IRAK1BP1: variants seen among roughly 807,000 people sequenced by gnomAD.
The protein encoded by IRAK1BP1 is interleukin 1 receptor associated kinase 1 binding protein 1, also known as interleukin-1 receptor-associated kinase 1-binding protein 1.
A neutral mutation model predicts 28.0 loss-of-function variants in IRAK1BP1; 24 were observed. The observed-to-expected ratio is 0.86, with a 90% confidence interval of 0.62 to 1.20. IRAK1BP1 has a LOEUF of 1.20. Among genes scored for constraint, IRAK1BP1 ranks in the 50% most tolerant of loss-of-function variants. IRAK1BP1 has a pLI of 0.00. For missense variants in IRAK1BP1, 336 were observed against 316.7 expected (o/e 1.06, Z -0.46); for synonymous variants, 131 against 116.3 (o/e 1.13, Z -0.81).
At chr6:78,934,207 C>T (rs754002776) in intron 4 of IRAK1BP1, among the ~76,000 whole-genome samples, 1 of 152,094 alleles carries the variant, frequency 6.6e-6, no homozygotes, top group Non-Finnish European at 1.5e-5. Flanking sequence ...GTTTGTGGCA[C>T]CTCAAAACAA....
chr6:78,906,070 TATGAA>T (rs1772253955), downstream of IRAK1BP1, among the ~76,000 whole-genome samples: 1 of 152,188 alleles, frequency 6.6e-6, no homozygotes, highest in Admixed American at 6.5e-5. Flanking sequence ...AAACATTACT[TATGAA>T]GAAGAGATGA....
the IRAK1BP1 span, among the ~76,000 whole-genome samples, chr6:78,973,696 A>C: frequency 3.3e-5 from 5 of 151,782 alleles, no homozygotes; most frequent in South Asian, 1.0e-3. Context: ...TACCAAGCAA[A>C]TGGAAAACAA....
intron 4 of IRAK1BP1, chr6:78,935,682 A>T: frequency 1.0e-6 from 1 of 984,742 alleles, no homozygotes; most frequent in South Asian, 4.7e-5. Flanking sequence ...ATATCTTTTA[A>T]CTGACAGTTT....
intron 2 of IRAK1BP1, among the ~76,000 whole-genome samples, chr6:78,889,116 C>CAA (rs201870779): frequency 0.023 from 1,811 of 79,518 alleles, 29 homozygotes; most frequent in Middle Eastern, 0.038. Flanking sequence ...GACTCTGTCT[C>CAA]AAAAAAAAAA....
the IRAK1BP1 span, among the ~76,000 whole-genome samples, chr6:78,967,632 CTT>C: frequency 6.6e-6 from 1 of 152,068 alleles, no homozygotes; most frequent in Non-Finnish European, 1.5e-5. Flanking sequence ...TAGATACTAA[CTT>C]TAGAGAAATA....
At chr6:78,963,004 T>C in the IRAK1BP1 span, 1 of 1,184,784 alleles carries the variant, frequency 8.4e-7, no homozygotes, top group Non-Finnish European at 1.2e-6. Flanking sequence ...CTTAGGATAT[T>C]GTGAAAAAAA....
At chr6:78,895,185 T>G (rs749960437) in intron 2 of IRAK1BP1, among the ~76,000 whole-genome samples, 1 of 151,058 alleles carries the variant, frequency 6.6e-6, no homozygotes, top group African/African-American at 2.4e-5. Flanking sequence ...AAACCAGTAA[T>G]AGAAGGGCCT....
At chr6:78,881,297 A>C (rs1477410775) in intron 1 of IRAK1BP1, among the ~76,000 whole-genome samples, 4 of 152,210 alleles carry the variant, frequency 2.6e-5, no homozygotes, top group Non-Finnish European at 4.4e-5. Context: ...GATTCTATTC[A>C]TATGATCTTC....
chr6:78,908,475 A>G (rs1772317860), intron 4 of IRAK1BP1, among the ~76,000 whole-genome samples: 1 of 152,074 alleles, frequency 6.6e-6, no homozygotes, highest in Admixed American at 6.6e-5. Flanking sequence ...CAGCCTCTTG[A>G]GTAGCTAAGA....
At chr6:78,945,385 C>T (rs1279344880) in intron 4 of IRAK1BP1, 1 of 1,613,600 alleles carries the variant, frequency 6.2e-7, no homozygotes, top group South Asian at 1.1e-5. Context: ...CTGGCTTTTC[C>T]TTTTCCATGT....
At chr6:78,969,696 T>G in the IRAK1BP1 span, 1 of 485,030 alleles carries the variant, frequency 2.1e-6, no homozygotes, top group East Asian at 3.3e-5. Flanking sequence ...ACATAGTATC[T>G]TACTTTGCTA....
chr6:78,921,550 CCTGT>C (rs1437936316), intron 4 of IRAK1BP1, among the ~76,000 whole-genome samples: 1 of 152,212 alleles, frequency 6.6e-6, no homozygotes, highest in Non-Finnish European at 1.5e-5. Context: ...CTTAAATGTC[CCTGT>C]CTGACACCTT....
At chr6:78,958,678 C>A in the IRAK1BP1 span, 1 of 884,338 alleles carries the variant, frequency 1.1e-6, no homozygotes, top group Non-Finnish European at 1.8e-6. Flanking sequence ...CCAAGACATT[C>A]CAACTTTTCA....
intron 1 of IRAK1BP1, among the ~76,000 whole-genome samples, chr6:78,881,230 A>T (rs1771216459): frequency 6.6e-6 from 1 of 152,170 alleles, no homozygotes; most frequent in Non-Finnish European, 1.5e-5. Flanking sequence ...AATGTGAGTG[A>T]ATTTAGCTGC....
At chr6:78,957,588 A>T in the IRAK1BP1 span, 4 of 151,850 alleles carry the variant, frequency 2.6e-5, no homozygotes, top group South Asian at 4.1e-4. Context: ...TTAAAAAAAA[A>T]AAAAAAACTG....
chr6:78,971,890 C>CT, the IRAK1BP1 span, among the ~76,000 whole-genome samples: 1 of 152,206 alleles, frequency 6.6e-6, no homozygotes, highest in Non-Finnish European at 1.5e-5. Context: ...CCCACGGAGT[C>CT]TCGCTGATTG....
At chr6:78,923,793 C>T (rs1772809913) in intron 4 of IRAK1BP1, among the ~76,000 whole-genome samples, 1 of 152,150 alleles carries the variant, frequency 6.6e-6, no homozygotes, top group Non-Finnish European at 1.5e-5. Context: ...TACATGGAAA[C>T]TGAACAATCT....
chr6:78,907,140 A>G (rs2127659632), downstream of IRAK1BP1, among the ~76,000 whole-genome samples: 1 of 152,328 alleles, frequency 6.6e-6, no homozygotes, highest in African/African-American at 2.4e-5. Context: ...ATATGAGGAA[A>G]AAAGATGAAA....
chr6:78,950,006 A>G (rs1189540010), downstream of IRAK1BP1, among the ~76,000 whole-genome samples: 1 of 152,004 alleles, frequency 6.6e-6, no homozygotes, highest in African/African-American at 2.4e-5. Context: ...CGAGTATAAT[A>G]AACTTTTTCC....
Sources: gnomAD v4.1 joint callset for allele counts (sites outside exome capture counted in the v4.1 genomes callset) on GRCh38, gnomAD v4.1.1 for gene constraint, MANE v1.5 for transcripts, NCBI Gene and HGNC (gene_info 2026-07-23, HGNC 2026-07-21) for gene names.